FTO: variants seen among roughly 807,000 people sequenced by gnomAD.
FTO encodes the protein alpha-ketoglutarate-dependent dioxygenase FTO.
A neutral mutation model predicts 63.9 loss-of-function variants in FTO; 47 were observed. The observed-to-expected ratio is 0.74, with a 90% CI of 0.58 to 0.94. The LOEUF (loss-of-function observed/expected upper bound fraction) is 0.94. Among genes scored for constraint, FTO ranks in the 40% least tolerant of loss-of-function variants. The pLI is 0.00. For synonymous variants in FTO, 207 were observed against 224.4 expected, an observed-to-expected ratio of 0.92 and a Z score of 0.69; for missense variants, 562 against 618.1, an observed-to-expected ratio of 0.91 and a Z score of 0.96.
intron 8 of FTO, among the ~76,000 whole-genome samples, chr16:53,959,732 C>A (rs1032688716): frequency 6.6e-6 from 1 of 151,900 alleles, no homozygotes; most frequent in Admixed American, 6.6e-5. Flanking sequence ...ATTCAAACTA[C>A]CCCAGCCTAA....
intron 1 of FTO, among the ~76,000 whole-genome samples, chr16:53,743,101 G>A (rs2151545789): frequency 6.6e-6 from 1 of 152,262 alleles, no homozygotes; most frequent in East Asian, 1.9e-4. Flanking sequence ...CCACTGTCAG[G>A]CTCTCAACAA....
intron 8 of FTO, among the ~76,000 whole-genome samples, chr16:54,077,809 G>T (rs762793789): frequency 6.6e-5 from 10 of 152,176 alleles, no homozygotes; most frequent in Non-Finnish European, 1.2e-4. Context: ...AGAATGGCAG[G>T]CAGTCGGATC....
chr16:53,950,556 T>C (rs1287358375), intron 8 of FTO, among the ~76,000 whole-genome samples: 3 of 152,204 alleles, frequency 2.0e-5, no homozygotes, highest in African/African-American at 4.8e-5. Flanking sequence ...CAAATACATT[T>C]AAAAAATTTT....
At chr16:53,884,013 C>T (rs2080932080) in intron 6 of FTO, among the ~76,000 whole-genome samples, 1 of 152,190 alleles carries the variant, frequency 6.6e-6, no homozygotes, top group Non-Finnish European at 1.5e-5. Context: ...TTGCCTCTTT[C>T]TGCAAGGCCA....
intron 1 of FTO, among the ~76,000 whole-genome samples, chr16:53,763,222 G>T (rs1404309518): frequency 6.6e-6 from 1 of 151,854 alleles, no homozygotes; most frequent in African/African-American, 2.4e-5. Context: ...AATTTGTTTT[G>T]CCCCTGTGCC....
intron 8 of FTO, chr16:54,039,964 G>C (rs1434544937): frequency 6.6e-6 from 1 of 152,200 alleles, no homozygotes; most frequent in Non-Finnish European, 1.5e-5. Flanking sequence ...TCAAGGCCAA[G>C]TGTTGTGAGC....
At chr16:53,769,262 T>C (rs2077279427) in intron 1 of FTO, among the ~76,000 whole-genome samples, 2 of 152,214 alleles carry the variant, frequency 1.3e-5, no homozygotes, top group East Asian at 1.9e-4. Context: ...TTGGAGTTCA[T>C]GTTTTCACCT....
At chr16:53,923,484 A>G (rs2143031213) in intron 7 of FTO, among the ~76,000 whole-genome samples, 1 of 152,292 alleles carries the variant, frequency 6.6e-6, no homozygotes, top group East Asian at 1.9e-4. Flanking sequence ...GCAATTAATC[A>G]TGTACAAAAT....
intron 8 of FTO, among the ~76,000 whole-genome samples, chr16:54,007,592 C>A (rs1321798664): frequency 6.6e-6 from 1 of 152,216 alleles, no homozygotes; most frequent in Non-Finnish European, 1.5e-5. Context: ...GTCACAAGCT[C>A]CAATGCCTGC....
chr16:53,994,843 C>T (rs1323207962), intron 8 of FTO, among the ~76,000 whole-genome samples: 1 of 151,900 alleles, frequency 6.6e-6, no homozygotes, highest in East Asian at 1.9e-4. Context: ...AAACAATTCT[C>T]GTGCCTCAGC....
At chr16:54,026,143 A>G (rs1054583374) in intron 8 of FTO, among the ~76,000 whole-genome samples, 5 of 152,222 alleles carry the variant, frequency 3.3e-5, no homozygotes, top group African/African-American at 1.2e-4. Context: ...AACTTAAACA[A>G]TATCAGGATT....
intron 7 of FTO, among the ~76,000 whole-genome samples, chr16:53,918,671 A>G (rs1216941659): frequency 6.6e-6 from 1 of 152,112 alleles, no homozygotes; most frequent in Non-Finnish European, 1.5e-5. Flanking sequence ...GTCATCCTCC[A>G]CCCTGTGTAT....
intron 8 of FTO, among the ~76,000 whole-genome samples, chr16:53,985,752 C>G (rs747937782): frequency 4.6e-5 from 7 of 152,138 alleles, no homozygotes; most frequent in Non-Finnish European, 1.0e-4. Context: ...TTCCCCACCT[C>G]TAGAGAGAGG....
At chr16:54,058,185 T>C (rs1435860269) in intron 8 of FTO, among the ~76,000 whole-genome samples, 2 of 152,020 alleles carry the variant, frequency 1.3e-5, no homozygotes, top group African/African-American at 2.4e-5. Context: ...CTCAGCCCAC[T>C]GAAACCTCCG....
rs2086968998 is a variant in FTO, at chr16:54,115,593, C to T, written c.*3678C>T. Reference sequence around the variant, plus strand: ...CTTCCCAGGAAAGGGGACGGCGGGCCCAGGCAGGAGAGCCTTGGGAGGGGG... The same window carrying T: ...CTTCCCAGGAAAGGGGACGGCGGGCTCAGGCAGGAGAGCCTTGGGAGGGGG... On this transcript the variant is annotated 3_prime_UTR_variant, in exon 9 of 9. Transcript: ENST00000471389. 6.6e-6 allele frequency: 1 copy of T among 152,026 alleles called. No individual in the cohort carries two copies. The highest frequency in any genetic ancestry group is 2.4e-5 in the African/African-American group (1 of 41,288). The allele number at this position is 152,026 out of a possible 1,614,324, so 9.4% of individuals were successfully genotyped here.
intron 8 of FTO, among the ~76,000 whole-genome samples, chr16:53,966,268 T>C (rs2083195745): frequency 6.6e-6 from 1 of 152,248 alleles, no homozygotes; most frequent in Non-Finnish European, 1.5e-5. Flanking sequence ...CCCTACCCTG[T>C]TCTGGAGAAT....
intron 1 of FTO, among the ~76,000 whole-genome samples, chr16:53,794,608 A>G (rs2078012997): frequency 6.6e-6 from 1 of 152,304 alleles, no homozygotes. Context: ...CTCCACATGG[A>G]GGCTCCAGTT....
At chr16:53,719,561 T>G (rs1443535016) in intron 1 of FTO, among the ~76,000 whole-genome samples, 1 of 151,826 alleles carries the variant, frequency 6.6e-6, no homozygotes. Context: ...ACTTTTTCCA[T>G]CTTCTTTTAA....
chr16:53,869,269 CT>C (rs200419658), intron 4 of FTO, among the ~76,000 whole-genome samples: 1 of 150,810 alleles, frequency 6.6e-6, no homozygotes. Flanking sequence ...CGTCAGATAG[CT>C]TTTTTTTTGC....
Sources: allele counts gnomAD v4.1 joint callset (sites outside exome capture counted in the v4.1 genomes callset), GRCh38; gene constraint gnomAD v4.1.1; transcripts MANE v1.5; gene names NCBI Gene and HGNC (gene_info 2026-07-23, HGNC 2026-07-21).